The following IL1RAPL2 variants were observed in gnomAD, a reference collection of about 807,000 sequenced individuals.
The protein encoded by IL1RAPL2 is X-linked interleukin-1 receptor accessory protein-like 2.
Under a neutral mutation model 44.1 loss-of-function variants are expected in IL1RAPL2, and 3 were observed. The observed-to-expected ratio is 0.07, with a 90% CI of 0.03 to 0.18. IL1RAPL2 has a LOEUF of 0.18. Among genes scored for constraint, IL1RAPL2 ranks in the 10% least tolerant of loss-of-function variants. The pLI is 1.00. For synonymous variants in IL1RAPL2, 181 were observed against 178.8 expected, an observed-to-expected ratio of 1.01 and a Z score of -0.10; for missense variants, 391 against 496.4, an observed-to-expected ratio of 0.79 and a Z score of 2.02.
chrX:105,574,941 T>C (rs959820204), intron 6 of IL1RAPL2, among the ~76,000 whole-genome samples: 1 of 111,807 alleles, frequency 8.9e-6, no homozygotes, highest in Non-Finnish European at 1.9e-5. Flanking sequence ...TTAGAGATAT[T>C]AAGCAAATCA....
intron 2 of IL1RAPL2, among the ~76,000 whole-genome samples, chrX:105,032,012 G>T (rs762198785): frequency 9.0e-6 from 1 of 111,351 alleles, no homozygotes; most frequent in Admixed American, 9.5e-5. Context: ...GTTTATTTGC[G>T]TAGAGGTGTT....
intron 2 of IL1RAPL2, among the ~76,000 whole-genome samples, chrX:105,041,124 A>G (rs1448129494): frequency 2.8e-5 from 3 of 107,329 alleles, no homozygotes; most frequent in African/African-American, 6.9e-5. Context: ...TTCTGCCTTC[A>G]TTTCGTTATG....
At chrX:105,479,587 A>G (rs2147774049) in intron 5 of IL1RAPL2, among the ~76,000 whole-genome samples, 1 of 108,419 alleles carries the variant, frequency 9.2e-6, no homozygotes, top group Non-Finnish European at 1.9e-5. Context: ...TAAAAATACA[A>G]AATTAGCCGG....
rs772492490 is a variant in IL1RAPL2 at position 104,804,654 on chromosome X, G to A, written c.82+145659G>A. 2.8e-4 allele frequency among the ~76,000 whole-genome samples: 31 copies of A among 112,292 alleles called. 1 individual carries two copies. In the South Asian group the frequency reaches 7.9e-3, roughly 28 times the overall value. On this transcript the variant is annotated intron_variant, in intron 2 of 10. Coordinates refer to ENST00000372582, the MANE Select transcript of IL1RAPL2 (RefSeq NM_017416.2). Reference sequence around the variant, plus strand: ...GATGATCCTGACATAATCAGGAGGAGACAGTGAACAAACTTTATTTCACAG... The same window carrying A: ...GATGATCCTGACATAATCAGGAGGAAACAGTGAACAAACTTTATTTCACAG...
chrX:105,266,622 A>G (rs907091597), intron 4 of IL1RAPL2, among the ~76,000 whole-genome samples: 3 of 111,902 alleles, frequency 2.7e-5, no homozygotes, highest in Admixed American at 1.9e-4. Flanking sequence ...TGGTAGCAAG[A>G]TTCCCTCACA....
At chrX:105,294,885 C>T (rs2034643037) in intron 5 of IL1RAPL2, among the ~76,000 whole-genome samples, 1 of 111,217 alleles carries the variant, frequency 9.0e-6, no homozygotes, top group Non-Finnish European at 1.9e-5. Context: ...GGTCAAACAC[C>T]CTATAGTTCT....
intron 5 of IL1RAPL2, among the ~76,000 whole-genome samples, chrX:105,330,149 T>A (rs1239457922): frequency 2.7e-5 from 3 of 111,470 alleles, no homozygotes; most frequent in Non-Finnish European, 5.7e-5. Context: ...ACATTAAAGT[T>A]TGATATATAC....
intron 2 of IL1RAPL2, among the ~76,000 whole-genome samples, chrX:104,920,817 G>A: frequency 9.0e-6 from 1 of 110,599 alleles, no homozygotes; most frequent in Non-Finnish European, 1.9e-5. Context: ...TAAAGATGCT[G>A]ATTAGATACA....
chrX:104,842,139 G>A (rs1283738780), intron 2 of IL1RAPL2, among the ~76,000 whole-genome samples: 6 of 108,747 alleles, frequency 5.5e-5, no homozygotes, highest in Non-Finnish European at 1.1e-4. Context: ...CAGCAAGGTG[G>A]TCTTCAATCT....
chrX:105,593,774 G>T (rs777029867), intron 6 of IL1RAPL2, among the ~76,000 whole-genome samples: 64 of 111,219 alleles, frequency 5.8e-4, no homozygotes, highest in Non-Finnish European at 1.0e-3. Flanking sequence ...GCCCCTTATG[G>T]TTAGGAACCT....
chrX:105,323,293 C>T (rs183378467), intron 5 of IL1RAPL2, among the ~76,000 whole-genome samples: 59 of 111,703 alleles, frequency 5.3e-4, no homozygotes, highest in Non-Finnish European at 7.9e-4. Flanking sequence ...TCAAAGTGTT[C>T]GTTTCTTTTT....
intron 2 of IL1RAPL2, among the ~76,000 whole-genome samples, chrX:105,073,992 G>C (rs1410331601): frequency 3.6e-5 from 4 of 111,381 alleles, no homozygotes; most frequent in African/African-American, 1.3e-4. Flanking sequence ...TCTGTAGGTT[G>C]CCTGTTCACT....
intron 6 of IL1RAPL2, among the ~76,000 whole-genome samples, chrX:105,617,281 C>T (rs762459327): frequency 3.2e-4 from 35 of 110,642 alleles, no homozygotes; most frequent in Non-Finnish European, 6.2e-4. Flanking sequence ...ATGATTCTAA[C>T]ATACTTTGAA....
chrX:104,781,754 G>C (rs1207456105), intron 2 of IL1RAPL2, among the ~76,000 whole-genome samples: 1 of 112,285 alleles, frequency 8.9e-6, no homozygotes, highest in East Asian at 2.8e-4. Flanking sequence ...GTCACACCTA[G>C]CTGCAAGAAA....
At chrX:105,279,738 A>G (rs764882882) in intron 5 of IL1RAPL2, among the ~76,000 whole-genome samples, 4 of 111,978 alleles carry the variant, frequency 3.6e-5, no homozygotes. Flanking sequence ...TTGGCCTCCC[A>G]AAGTGCTGGG....
At chrX:104,726,272 G>A (rs1360466834) in intron 2 of IL1RAPL2, among the ~76,000 whole-genome samples, 2 of 111,560 alleles carry the variant, frequency 1.8e-5, no homozygotes, top group East Asian at 5.6e-4. Flanking sequence ...TGCTGTTTTG[G>A]TTACTGTAGC....
chrX:105,697,507 G>C (rs1218286542), intron 6 of IL1RAPL2, among the ~76,000 whole-genome samples: 1 of 110,722 alleles, frequency 9.0e-6, no homozygotes, highest in Admixed American at 9.7e-5. Flanking sequence ...TGTACGGAGA[G>C]AGATTGATTG....
intron 2 of IL1RAPL2, among the ~76,000 whole-genome samples, chrX:105,118,647 T>C (rs774094696): frequency 2.0e-4 from 23 of 112,449 alleles, no homozygotes; most frequent in Non-Finnish European, 3.6e-4. Context: ...AAAATCTCCA[T>C]GGACTTTTGA....
intron 2 of IL1RAPL2, among the ~76,000 whole-genome samples, chrX:104,842,298 A>T (rs765625724): frequency 9.1e-6 from 1 of 110,080 alleles, no homozygotes; most frequent in African/African-American, 3.3e-5. Flanking sequence ...ATCACTTTTT[A>T]TGAAGGTTCT....
Sources: allele counts gnomAD v4.1 joint callset (sites outside exome capture counted in the v4.1 genomes callset), GRCh38; gene constraint gnomAD v4.1.1; transcripts MANE v1.5; gene names NCBI Gene and HGNC (gene_info 2026-07-23, HGNC 2026-07-21).